The following UBTD2 variants were observed in gnomAD, a reference collection of about 807,000 sequenced individuals.
The protein encoded by UBTD2 is ubiquitin domain-containing protein 2.
Under a neutral mutation model 19.8 loss-of-function variants are expected in UBTD2, and 9 were observed. The observed-to-expected ratio is 0.46, with a 90% confidence interval of 0.27 to 0.79. The LOEUF is 0.79. Ranked by LOEUF, UBTD2 falls within the 30% of genes least tolerant of loss-of-function variation. UBTD2 has a pLI of 0.14. For synonymous variants in UBTD2, 98 were observed against 103.9 expected (o/e 0.94, Z 0.35); for missense variants, 250 against 300.4 (o/e 0.83, Z 1.24).
chr5:172,272,275 A>T (rs138124522), intron 1 of UBTD2, among the ~76,000 whole-genome samples: 4 of 152,238 alleles, frequency 2.6e-5, no homozygotes, highest in Non-Finnish European at 5.9e-5. Flanking sequence ...ATACATGCTG[A>T]TTGTTCTTGG....
intron 1 of UBTD2, among the ~76,000 whole-genome samples, 194 bp from the exon 2 acceptor site, chr5:172,234,552 C>T (rs537211761): frequency 6.6e-6 from 1 of 152,310 alleles, no homozygotes; most frequent in African/African-American, 2.4e-5. Flanking sequence ...CATTAGACTG[C>T]TCTATGCAAA....
intron 1 of UBTD2, among the ~76,000 whole-genome samples, chr5:172,275,193 GAGCAAAAGC>G (rs1286863133): frequency 6.6e-6 from 1 of 152,210 alleles, no homozygotes; most frequent in African/African-American, 2.4e-5. Context: ...AAGAAGTGCC[GAGCAAAAGC>G]GGGGAAAGCC....
In UBTD2 at chr5:172,210,369, C is replaced by G. The variant is rs1346210541; in HGVS notation, c.*1461G>C. On this transcript the variant is annotated 3_prime_UTR_variant, in exon 3 of 3. Transcript: ENST00000393792. ...AGGGCTGACATTTTCCAACTGAGAA[C>G]AGCGTTAAGTGCCTTCTTGTCTGTA... is the stretch of plus-strand genomic sequence containing the variant. 6.6e-6 allele frequency: 1 copy of G among 152,200 alleles called. No homozygotes were observed. Among genetic ancestry groups the G allele is most frequent in the Non-Finnish European group, 1.5e-5 (1 of 68,040 alleles). 9.4% of individuals were successfully genotyped at this position (152,200 alleles called of 1,614,324 possible). A position where few individuals can be genotyped will look rare whatever the true frequency, so the allele number is the denominator to read the frequency against.
At chr5:172,281,316 C>T (rs1755710106) in intron 1 of UBTD2, among the ~76,000 whole-genome samples, 1 of 152,152 alleles carries the variant, frequency 6.6e-6, no homozygotes, top group Non-Finnish European at 1.5e-5. Flanking sequence ...AAAAACACGG[C>T]AAAACCCACC....
intron 1 of UBTD2, chr5:172,254,485 AAT>A: frequency 3.8e-6 from 2 of 527,288 alleles, no homozygotes; most frequent in Non-Finnish European, 6.9e-6. Context: ...TGTTTTCCTA[AAT>A]GTCTTTTTAG....
intron 2 of UBTD2, among the ~76,000 whole-genome samples, chr5:172,232,704 A>G (rs1771927256): frequency 1.3e-5 from 2 of 152,062 alleles, no homozygotes; most frequent in African/African-American, 4.8e-5. Flanking sequence ...TCCAAAAACA[A>G]AACAAAACAA....
At chr5:172,251,806 C>T (rs1458079916) in intron 1 of UBTD2, among the ~76,000 whole-genome samples, 1 of 152,062 alleles carries the variant, frequency 6.6e-6, no homozygotes, top group Non-Finnish European at 1.5e-5. Flanking sequence ...CAATGAGAAA[C>T]ACAAAACATC....
At chr5:172,240,868 T>A (rs1772112617) in intron 1 of UBTD2, among the ~76,000 whole-genome samples, 1 of 152,092 alleles carries the variant, frequency 6.6e-6, no homozygotes, top group Non-Finnish European at 1.5e-5. Flanking sequence ...GACAGATCAA[T>A]GTGGCCAAGG....
At chr5:172,251,080 C>T (rs1211183583) in intron 1 of UBTD2, among the ~76,000 whole-genome samples, 2 of 151,380 alleles carry the variant, frequency 1.3e-5, no homozygotes, top group Admixed American at 6.6e-5. Context: ...TTCGGGAGGC[C>T]GAGGCGGGCG....
chr5:172,245,572 C>A (rs533059755), intron 1 of UBTD2, among the ~76,000 whole-genome samples: 1 of 152,104 alleles, frequency 6.6e-6, no homozygotes, highest in South Asian at 2.1e-4. Flanking sequence ...ATTAGCCCCA[C>A]GTGGTGGCGC....
chr5:172,228,194 T>G (rs181020985), intron 2 of UBTD2, among the ~76,000 whole-genome samples: 47 of 152,344 alleles, frequency 3.1e-4, no homozygotes, highest in African/African-American at 1.1e-3. Flanking sequence ...AGACATAGAC[T>G]AAACACTGAA....
chr5:172,223,205 A>T (rs1356382559), intron 2 of UBTD2, among the ~76,000 whole-genome samples: 1 of 152,198 alleles, frequency 6.6e-6, no homozygotes, highest in Non-Finnish European at 1.5e-5. Flanking sequence ...GTTCCATGAG[A>T]TGCTTCAGCT....
At chr5:172,270,630 A>G (rs1482415015) in intron 1 of UBTD2, among the ~76,000 whole-genome samples, 1 of 152,142 alleles carries the variant, frequency 6.6e-6, no homozygotes, top group Non-Finnish European at 1.5e-5. Context: ...CTGGGATTAC[A>G]GGTGTGAGCC....
chr5:172,223,410 C>T (rs1261410622), intron 2 of UBTD2, among the ~76,000 whole-genome samples: 1 of 151,608 alleles, frequency 6.6e-6, no homozygotes, highest in Non-Finnish European at 1.5e-5. Flanking sequence ...CGAGACCAGC[C>T]TAACATGGTG....
chr5:172,213,347 C>T (rs749751478), intron 2 of UBTD2, among the ~76,000 whole-genome samples: 28 of 152,170 alleles, frequency 1.8e-4, no homozygotes, highest in African/African-American at 2.4e-5. Flanking sequence ...GTCCAGAGAT[C>T]ACAAATTAGA....
chr5:172,260,468 A>AG (rs969700668), intron 1 of UBTD2, among the ~76,000 whole-genome samples: 1 of 151,832 alleles, frequency 6.6e-6, no homozygotes, highest in African/African-American at 2.4e-5. Flanking sequence ...TGCTTGTTAT[A>AG]GAAAAAAAGT....
intron 2 of UBTD2, among the ~76,000 whole-genome samples, chr5:172,214,549 G>A (rs532886725): frequency 6.6e-6 from 1 of 152,166 alleles, no homozygotes; most frequent in African/African-American, 2.4e-5. Context: ...ATCCCAGTGA[G>A]TCAGGGTTTA....
chr5:172,212,015 C>CA lies in UBTD2; in HGVS notation c.519_520insT (p.Val174CysfsTer18). Reference sequence around the variant, plus strand: ...TGCAACCGTCTCTTCATGTGGAATACTGTGTCTGTGCTGCGAACCACAAGC... The same window carrying CA: ...TGCAACCGTCTCTTCATGTGGAATACATGTGTCTGTGCTGCGAACCACAAGC... On this transcript the variant is annotated frameshift_variant, in exon 3 of 3. Transcript: ENST00000393792. LOFTEE classifies it high-confidence loss of function. 1 of 1,614,230 alleles carries CA rather than the reference C, an allele frequency of 6.2e-7. No individual in the cohort carries two copies. The highest frequency in any genetic ancestry group is 8.5e-7 in the Non-Finnish European group (1 of 1,180,030).
intron 1 of UBTD2, chr5:172,254,648 C>G (rs558666032): frequency 1.6e-6 from 1 of 617,476 alleles, no homozygotes; most frequent in African/African-American, 2.0e-5. Context: ...TCCTCCACTT[C>G]GAGTATCCGG....
Sources: allele counts gnomAD v4.1 joint callset (sites outside exome capture counted in the v4.1 genomes callset), GRCh38; gene constraint gnomAD v4.1.1; transcripts MANE v1.5; gene names NCBI Gene and HGNC (gene_info 2026-07-23, HGNC 2026-07-21).